LRRC4C: variants seen among roughly 807,000 people sequenced by gnomAD.
LRRC4C encodes leucine-rich repeat-containing protein 4C.
Under a neutral mutation model 33.6 loss-of-function variants are expected in LRRC4C, and 5 were observed. The observed-to-expected ratio is 0.15, with a 90% CI of 0.08 to 0.31. LRRC4C has a LOEUF of 0.31. Among genes scored for constraint, LRRC4C ranks in the 10% least tolerant of loss-of-function variants. The pLI, the probability that LRRC4C is intolerant of heterozygous loss-of-function variation, is 1.00. For synonymous variants in LRRC4C, 329 were observed against 302.0 expected, an observed-to-expected ratio of 1.09 and a Z score of -0.93; for missense variants, 560 against 796.7, an observed-to-expected ratio of 0.70 and a Z score of 3.58.
intron 3 of LRRC4C, among the ~76,000 whole-genome samples, chr11:40,421,882 T>A (rs772383673): frequency 2.6e-5 from 4 of 152,198 alleles, no homozygotes; most frequent in Non-Finnish European, 5.9e-5. Context: ...TGTCATAGGA[T>A]GTCACACCAT....
At chr11:40,760,580 T>C (rs1949159002) in intron 2 of LRRC4C, among the ~76,000 whole-genome samples, 1 of 151,838 alleles carries the variant, frequency 6.6e-6, no homozygotes. Context: ...GATCATTTAT[T>C]ATTTAGGATT....
chr11:40,661,886 A>G (rs1041641823), intron 2 of LRRC4C, among the ~76,000 whole-genome samples: 1 of 152,164 alleles, frequency 6.6e-6, no homozygotes. Flanking sequence ...AACCCCAAAT[A>G]TAAGCAAATC....
chr11:40,395,398 C>T (rs1428948020), intron 3 of LRRC4C, among the ~76,000 whole-genome samples: 1 of 152,078 alleles, frequency 6.6e-6, no homozygotes, highest in African/African-American at 2.4e-5. Flanking sequence ...CATGCCCTAA[C>T]TAGGTACTTT....
At chr11:41,192,476 T>C (rs1946001266) in intron 1 of LRRC4C, among the ~76,000 whole-genome samples, 1 of 151,718 alleles carries the variant, frequency 6.6e-6, no homozygotes, top group Non-Finnish European at 1.5e-5. Flanking sequence ...CATATATAAT[T>C]TGTATATATT....
At chr11:40,487,004 G>A (rs1175068288) in intron 3 of LRRC4C, among the ~76,000 whole-genome samples, 1 of 151,940 alleles carries the variant, frequency 6.6e-6, no homozygotes, top group Non-Finnish European at 1.5e-5. Flanking sequence ...TGCAAATAGG[G>A]GAAGCCGATA....
intron 3 of LRRC4C, among the ~76,000 whole-genome samples, chr11:40,396,878 G>A (rs1007021970): frequency 6.6e-6 from 1 of 152,082 alleles, no homozygotes; most frequent in Admixed American, 6.6e-5. Context: ...AGATTCCCAG[G>A]AGGGCATTCT....
chr11:41,011,545 A>C (rs943023086), intron 1 of LRRC4C, among the ~76,000 whole-genome samples: 3 of 152,010 alleles, frequency 2.0e-5, no homozygotes, highest in African/African-American at 7.2e-5. Flanking sequence ...TGAAAAGATA[A>C]AACAGTACTT....
intron 1 of LRRC4C, among the ~76,000 whole-genome samples, chr11:41,078,254 C>G (rs1454494395): frequency 6.6e-6 from 1 of 152,184 alleles, no homozygotes; most frequent in Non-Finnish European, 1.5e-5. Flanking sequence ...ATTTTCTTGT[C>G]TTCTTCTAAG....
At chr11:40,696,866 A>C (rs1945589448) in intron 2 of LRRC4C, among the ~76,000 whole-genome samples, 1 of 150,684 alleles carries the variant, frequency 6.6e-6, no homozygotes, top group Non-Finnish European at 1.5e-5. Context: ...ACCCTTTGCT[A>C]CAGGCACATG....
intron 5 of LRRC4C, among the ~76,000 whole-genome samples, chr11:40,150,500 G>C (rs886292395): frequency 1.3e-5 from 2 of 152,220 alleles, no homozygotes; most frequent in Non-Finnish European, 2.9e-5. Flanking sequence ...TGTTGCCCAA[G>C]CTACATTGCG....
chr11:41,330,621 G>C (rs1266585981), intron 1 of LRRC4C, among the ~76,000 whole-genome samples: 1 of 152,016 alleles, frequency 6.6e-6, no homozygotes, highest in Non-Finnish European at 1.5e-5. Flanking sequence ...CGCCCAGACT[G>C]GAGTGTAGTG....
intron 1 of LRRC4C, among the ~76,000 whole-genome samples, chr11:41,267,729 A>G (rs1208342646): frequency 6.6e-6 from 1 of 152,118 alleles, no homozygotes; most frequent in Non-Finnish European, 1.5e-5. Flanking sequence ...CTCCTTGCTT[A>G]CTATGTGATT....
At chr11:40,749,315 C>T (rs542590711) in intron 2 of LRRC4C, among the ~76,000 whole-genome samples, 1 of 151,942 alleles carries the variant, frequency 6.6e-6, no homozygotes, top group South Asian at 2.1e-4. Context: ...TACCAAGAGG[C>T]ATTTTGGAAA....
intron 2 of LRRC4C, among the ~76,000 whole-genome samples, chr11:40,858,253 G>A (rs1165651372): frequency 1.3e-5 from 2 of 152,116 alleles, no homozygotes; most frequent in South Asian, 2.1e-4. Context: ...ACGTAACTGG[G>A]CAAAATGTGG....
Position 40,188,737 on chromosome 11 carries a change from T to C in LRRC4C, c.-95-47884A>G, listed in dbSNP as rs1438739256. On this transcript the variant is annotated intron_variant, in intron 5 of 6. Transcript: ENST00000528697. ...ACACACACACACATGCACACACACATACATCTACATCCAATGCCAAATACA... is the reference window on the plus strand; with the variant it reads ...ACACACACACACATGCACACACACACACATCTACATCCAATGCCAAATACA... Among the ~76,000 whole-genome samples, 3 of 151,860 alleles carry C rather than the reference T, an allele frequency of 2.0e-5. No individual in the cohort carries two copies. In the East Asian group the frequency reaches 5.8e-4, roughly 29 times the overall value.
Position 40,890,183 on chromosome 11 carries a change from T to C in LRRC4C, c.-407+43452A>G, listed in dbSNP as rs1955636541. Among the ~76,000 whole-genome samples the C allele has an allele frequency of 2.0e-5, 3 of 152,186 alleles. No individual in the cohort carries two copies. In the South Asian group the frequency reaches 6.2e-4, roughly 32 times the overall value. ...ACATACCCTGCATATCTTTGTCCAT[T>C]CTGTGTTGCTATAACAGGATATCAC... On this transcript the variant is annotated intron_variant, in intron 2 of 6. Transcript: ENST00000528697.
intron 3 of LRRC4C, among the ~76,000 whole-genome samples, chr11:40,489,567 C>G (rs929358705): frequency 1.3e-5 from 2 of 152,062 alleles, no homozygotes; most frequent in African/African-American, 4.8e-5. Flanking sequence ...TTATTTCCGT[C>G]TCTGTAGTTT....
chr11:41,115,088 TATA>T (rs1942045460), intron 1 of LRRC4C, among the ~76,000 whole-genome samples: 1 of 152,082 alleles, frequency 6.6e-6, no homozygotes, highest in Non-Finnish European at 1.5e-5. Context: ...TGAAAATTTT[TATA>T]ATAAAAAGTT....
At chr11:41,267,362 A>T (rs1949184187) in intron 1 of LRRC4C, among the ~76,000 whole-genome samples, 1 of 152,090 alleles carries the variant, frequency 6.6e-6, no homozygotes, top group South Asian at 2.1e-4. Context: ...ATAACTTTTA[A>T]ATCAAATAAA....
Sources: allele counts gnomAD v4.1 joint callset (sites outside exome capture counted in the v4.1 genomes callset), GRCh38; gene constraint gnomAD v4.1.1; transcripts MANE v1.5; gene names NCBI Gene and HGNC (gene_info 2026-07-23, HGNC 2026-07-21).